Variants in ABCB4 observed in about 807,000 individuals in gnomAD.
The protein encoded by ABCB4 is ATP binding cassette subfamily B member 4, also known as phosphatidylcholine translocator ABCB4.
In ABCB4, 76 loss-of-function variants were observed where a neutral mutation model predicts 145.7. The observed-to-expected ratio is 0.52, with a 90% confidence interval of 0.43 to 0.63. The LOEUF (loss-of-function observed/expected upper bound fraction) is 0.63, where lower values mean the gene tolerates loss of function less well. ABCB4 is among the 30% of genes least tolerant of loss of function. ABCB4 has a pLI of 0.00. For synonymous variants in ABCB4, 517 were observed against 566.8 expected (o/e 0.91, Z 1.25); for missense variants, 1,234 against 1,553.1 (o/e 0.79, Z 3.45).
chr7:87,464,721 A>G (rs1057162468), intron 3 of ABCB4, among the ~76,000 whole-genome samples: 1 of 152,194 alleles, frequency 6.6e-6, no homozygotes, highest in African/African-American at 2.4e-5. Flanking sequence ...AGGACAAAAA[A>G]TATCTATTAA....
At chr7:87,469,542 A>G (rs1373036545) in intron 3 of ABCB4, among the ~76,000 whole-genome samples, 1 of 152,258 alleles carries the variant, frequency 6.6e-6, no homozygotes, top group African/African-American at 2.4e-5. Context: ...TACAAAATCA[A>G]TGTGCAAAAA....
At chr7:87,407,515 T>G (rs1055680846) in intron 25 of ABCB4, among the ~76,000 whole-genome samples, 2 of 152,084 alleles carry the variant, frequency 1.3e-5, no homozygotes, top group Non-Finnish European at 2.9e-5. Flanking sequence ...TCAGTAAGAG[T>G]TGGTCTTCAC....
chr7:87,436,813 A>T (rs1010603985), intron 14 of ABCB4, among the ~76,000 whole-genome samples: 2 of 152,230 alleles, frequency 1.3e-5, no homozygotes, highest in African/African-American at 4.8e-5. Flanking sequence ...TCCTTTTTGA[A>T]TGAGTATCTG....
chr7:87,465,829 G>A (rs6971745), intron 3 of ABCB4, among the ~76,000 whole-genome samples: 40,564 of 152,100 alleles, frequency 0.27, 6,559 homozygotes, highest in African/African-American at 0.46. Context: ...ACAGACCTGC[G>A]GCTGAGGGTC....
the ABCB4 span, among the ~76,000 whole-genome samples, chr7:87,389,172 G>A: frequency 1.3e-5 from 2 of 152,200 alleles, no homozygotes; most frequent in African/African-American, 4.8e-5. Flanking sequence ...TACACTGTTG[G>A]TGGGAGTGTA....
At chr7:87,438,125 G>A (rs1230436395) in intron 14 of ABCB4, among the ~76,000 whole-genome samples, 2 of 152,130 alleles carry the variant, frequency 1.3e-5, no homozygotes, top group Non-Finnish European at 2.9e-5. Flanking sequence ...TTGGAACCTA[G>A]ACTCCAGGGC....
chr7:87,461,900 AT>A (rs1249273254), intron 4 of ABCB4, among the ~76,000 whole-genome samples: 1 of 152,120 alleles, frequency 6.6e-6, no homozygotes. Flanking sequence ...TGATAGAGTA[AT>A]TTTTCTTACA....
the ABCB4 span, among the ~76,000 whole-genome samples, chr7:87,372,022 A>C: frequency 6.9e-6 from 1 of 145,172 alleles, no homozygotes; most frequent in African/African-American, 2.5e-5. Flanking sequence ...AAAAAAAAAC[A>C]AAAAAAAGCT....
chr7:87,468,194 T>A (rs934165140), intron 3 of ABCB4, among the ~76,000 whole-genome samples: 1 of 151,882 alleles, frequency 6.6e-6, no homozygotes, highest in African/African-American at 2.4e-5. Context: ...ATAGACGCAA[T>A]AAAAAATGAT....
intron 18 of ABCB4, among the ~76,000 whole-genome samples, chr7:87,421,847 T>C (rs1342028725): frequency 2.0e-5 from 3 of 152,220 alleles, no homozygotes; most frequent in Non-Finnish European, 2.9e-5. Context: ...TCCCAACCTG[T>C]TGAATTTAAG....
intron 25 of ABCB4, 67 bp downstream of exon 25, chr7:87,407,970 T>C: frequency 1.6e-5 from 26 of 1,586,496 alleles, no homozygotes; most frequent in Non-Finnish European, 2.2e-5. Context: ...ATATTTTCCA[T>C]TATGACAATA....
intron 4 of ABCB4, among the ~76,000 whole-genome samples, chr7:87,460,629 T>C (rs1244669871): frequency 4.4e-4 from 44 of 99,780 alleles, no homozygotes; most frequent in South Asian, 3.4e-3. Flanking sequence ...TTTGTATTTA[T>C]TTATTTATTT....
the ABCB4 span, among the ~76,000 whole-genome samples, chr7:87,366,223 T>A: frequency 6.6e-6 from 1 of 151,598 alleles, no homozygotes; most frequent in African/African-American, 2.4e-5. Context: ...CTACTTCCCC[T>A]GTACCCTCGC....
intron 26 of ABCB4, among the ~76,000 whole-genome samples, chr7:87,404,779 A>T (rs577477869): frequency 3.9e-5 from 6 of 152,214 alleles, no homozygotes; most frequent in Non-Finnish European, 5.9e-5. Context: ...GTTCAACATC[A>T]TTTGCCATTG....
chr7:87,390,388 A>G, the ABCB4 span, among the ~76,000 whole-genome samples: 1 of 152,144 alleles, frequency 6.6e-6, no homozygotes, highest in Non-Finnish European at 1.5e-5. Flanking sequence ...CAGTGGTAAT[A>G]TTTTATTACT....
chr7:87,466,255 C>A (rs529140721), intron 3 of ABCB4, among the ~76,000 whole-genome samples: 2 of 152,210 alleles, frequency 1.3e-5, no homozygotes, highest in Admixed American at 1.3e-4. Context: ...GACGAAAGCA[C>A]AAGCTTCAGT....
At chr7:87,377,087 C>G in the ABCB4 span, among the ~76,000 whole-genome samples, 6 of 152,232 alleles carry the variant, frequency 3.9e-5, no homozygotes, top group Middle Eastern at 3.4e-3. Context: ...TGTAAACATT[C>G]ATGAATATTG....
the ABCB4 span, among the ~76,000 whole-genome samples, chr7:87,367,115 A>G: frequency 2.0e-5 from 3 of 152,208 alleles, no homozygotes; most frequent in African/African-American, 7.2e-5. Context: ...GTTAGGTTAC[A>G]TGGTAAAGAG....
intron 16 of ABCB4, among the ~76,000 whole-genome samples, chr7:87,425,700 C>T (rs1017886166): frequency 5.3e-5 from 8 of 151,774 alleles, no homozygotes; most frequent in Non-Finnish European, 1.0e-4. Flanking sequence ...ATGGTAAAAC[C>T]TCGTCTCTAC....
Sources: allele counts gnomAD v4.1 joint callset (sites outside exome capture counted in the v4.1 genomes callset), GRCh38; gene constraint gnomAD v4.1.1; transcripts MANE v1.5; gene names NCBI Gene and HGNC (gene_info 2026-07-23, HGNC 2026-07-21).